TMEM42: variants seen among roughly 807,000 people sequenced by gnomAD.
TMEM42 encodes the protein transmembrane protein 42.
A neutral mutation model predicts 14.0 loss-of-function variants in TMEM42; 8 were observed. The observed-to-expected ratio is 0.57, with a 90% CI of 0.34 to 1.03. The LOEUF is 1.03. Among genes scored for constraint, TMEM42 ranks in the 50% least tolerant of loss-of-function variants. The pLI is 0.03. For missense variants in TMEM42, 211 were observed against 219.8 expected, an observed-to-expected ratio of 0.96 and a Z score of 0.25; for synonymous variants, 115 against 94.3, an observed-to-expected ratio of 1.22 and a Z score of -1.27.
intron 1 of TMEM42, chr3:44,862,550 C>G (rs1026834923): frequency 1.3e-5 from 2 of 152,570 alleles, no homozygotes; most frequent in African/African-American, 4.8e-5. Context: ...TTGCCCATCC[C>G]TTTACTCCGT....
chr3:44,863,385 C>T (rs1474191875), intron 1 of TMEM42: 1 of 134,760 alleles, frequency 7.4e-6, no homozygotes, highest in Non-Finnish European at 1.5e-5. Flanking sequence ...GTGTAGGAGG[C>T]TTCTAAAGAT....
At chr3:44,863,298 G>GCAC (rs1553668717) in intron 1 of TMEM42, 1 of 38,726 alleles carries the variant, frequency 2.6e-5, no homozygotes, top group Non-Finnish European at 5.7e-5. Context: ...TTTAGATTCC[G>GCAC]CACCCCCCCC....
Position 44,864,270 on chromosome 3 carries a change from G to C in TMEM42, c.266G>C (p.Ser89Thr). The C allele has an allele frequency of 6.2e-7, 1 of 1,614,206 alleles. No homozygotes were observed. Among genetic ancestry groups the C allele is most frequent in the Non-Finnish European group, 8.5e-7 (1 of 1,180,040 alleles). The change falls in exon 2 of 3, where the codon AGC (serine) becomes ACC (threonine). Residue 89 changes from serine (S) to threonine (T), a missense_variant. By Grantham distance (58) the Ser-to-Thr change is moderately conservative (BLOSUM62 1). Coordinates refer to ENST00000302392, the MANE Select transcript of TMEM42 (RefSeq NM_144638.3). Reference sequence around the variant, plus strand: ...AATTCTCTGATGTGGACCTTCTTTAGCCGGGGCCTCAGTTTCTCCATGTCT... The same window carrying C: ...AATTCTCTGATGTGGACCTTCTTTACCCGGGGCCTCAGTTTCTCCATGTCT... ...STNSLMWTFFSRGLSFSMSSA... is the reference protein window; with the variant it reads ...STNSLMWTFFTRGLSFSMSSA...
chr3:44,864,736 G>T (rs558087710), intron 2 of TMEM42, among the ~76,000 whole-genome samples: 1 of 152,110 alleles, frequency 6.6e-6, no homozygotes, highest in African/African-American at 2.4e-5. Flanking sequence ...GGAGCTGAGC[G>T]TAGTCAATCT....
At position 44,862,094 on chromosome 3, in the gene TMEM42, C is replaced by T; in HGVS notation, c.170C>T (p.Ala57Val). 7.7e-7 allele frequency: 1 copy of T among 1,291,646 alleles called. No homozygotes were observed. The highest frequency in any genetic ancestry group is 9.8e-7 in the Non-Finnish European group (1 of 1,016,662). 80.0% of individuals were successfully genotyped at this position (1,291,646 alleles called of 1,614,324 possible). Residue 57 changes from alanine to valine, a missense_variant, in exon 1 of 3, where the codon GCC (alanine) becomes GTC (valine). Physicochemically the swap from Ala to Val is moderately conservative, Grantham distance 64. Coordinates refer to ENST00000302392, the MANE Select transcript of TMEM42 (RefSeq NM_144638.3). ...TTCGGGGCCCTGGCCGCCGCCTCCGCCAAGCTGGCCTTCGGCAGCGAGGTC... is the reference window on the plus strand; with the variant it reads ...TTCGGGGCCCTGGCCGCCGCCTCCGTCAAGCTGGCCTTCGGCAGCGAGGTC... ...GAFGALAAAS[A>V]KLAFGSEVSM...
chr3:44,864,412 C>T, intron 2 of TMEM42, 69 bp downstream of exon 2: 1 of 1,589,270 alleles, frequency 6.3e-7, no homozygotes, highest in Non-Finnish European at 8.6e-7. Flanking sequence ...TTTGGATAAC[C>T]CCTCCTTTCC....
rs1251199995 is a variant in TMEM42 at position 44,862,311 on chromosome 3, CAG to C, written c.192+200_192+201del. 1.5e-5 allele frequency: 3 copies of C among 195,286 alleles called. No individual in the cohort carries two copies. In the South Asian group the frequency reaches 5.3e-4, roughly 35 times the overall value. 12.1% of individuals were successfully genotyped at this position (195,286 alleles called of 1,614,324 possible). A position where few individuals can be genotyped will look rare whatever the true frequency, so the allele number is the denominator to read the frequency against. ...GCGGCGCTGCGGTCAGCTGGGGTGG[CAG>C]AGAGTGTTTCGCCTCTAATCACGCC... On this transcript the variant is annotated intron_variant, in intron 1 of 2. Coordinates refer to ENST00000302392, the MANE Select transcript of TMEM42 (RefSeq NM_144638.3).
chr3:44,863,169 C>G (rs1699277878), intron 1 of TMEM42: 1 of 151,904 alleles, frequency 6.6e-6, no homozygotes, highest in South Asian at 2.1e-4. Flanking sequence ...GACAGTTCTT[C>G]CAGTGTGGCC....
chr3:44,864,552 C>G (rs1699300089), intron 2 of TMEM42, among the ~76,000 whole-genome samples: 1 of 152,126 alleles, frequency 6.6e-6, no homozygotes, highest in African/African-American at 2.4e-5. Flanking sequence ...TGAGTGAAGC[C>G]TGACAGTAAA....
chr3:44,864,888 G>A (rs1699303606), intron 2 of TMEM42, 152 bp from the exon 3 acceptor site: 1 of 964,434 alleles, frequency 1.0e-6, no homozygotes, highest in African/African-American at 1.6e-5. Flanking sequence ...TGAATAGAGT[G>A]ACTTGATGAA....
intron 2 of TMEM42, among the ~76,000 whole-genome samples, 179 bp downstream of exon 2, chr3:44,864,522 A>G (rs1274048491): frequency 6.6e-6 from 1 of 152,062 alleles, no homozygotes; most frequent in African/African-American, 2.4e-5. Flanking sequence ...CTAATCATGG[A>G]AGAATTCTTA....
At chr3:44,862,221 C>CGG (rs1484949619) in intron 1 of TMEM42, 105 bp downstream of exon 1, 1 of 9,496 alleles carries the variant, frequency 1.1e-4, no homozygotes, top group Non-Finnish European at 2.4e-4. Flanking sequence ...TGGGGTGGGG[C>CGG]GGGGGTGGGC....
intron 1 of TMEM42, 140 bp downstream of exon 1, chr3:44,862,256 G>A (rs1172783713): frequency 3.6e-6 from 2 of 562,362 alleles, no homozygotes; most frequent in Non-Finnish European, 4.5e-6. Context: ...CACCCTCGCC[G>A]GTCTGTCCCG....
chr3:44,865,079 G>A lies in TMEM42; in HGVS notation c.379G>A (p.Val127Ile). Residue 127 changes from valine to isoleucine, a missense_variant, in exon 3 of 3, where the codon GTC (valine) becomes ATC (isoleucine). Transcript: ENST00000302392. ...GYVLYGECQE[V>I]LWWGGVFLIL... ...TGTGCTGTATGGAGAGTGCCAGGAGGTCTTGTGGTGGGGAGGAGTGTTCCT... is the reference window on the plus strand; with the variant it reads ...TGTGCTGTATGGAGAGTGCCAGGAGATCTTGTGGTGGGGAGGAGTGTTCCT... 6.2e-7 allele frequency: 1 copy of A among 1,614,138 alleles called. No individual in the cohort carries two copies. Among genetic ancestry groups the A allele is most frequent in the Non-Finnish European group, 8.5e-7 (1 of 1,180,020 alleles).
chr3:44,864,997 A>G, intron 2 of TMEM42, 43 bp from the exon 3 acceptor site: 4 of 1,609,386 alleles, frequency 2.5e-6, no homozygotes, highest in Non-Finnish European at 3.4e-6. Context: ...GGTTGTGCCC[A>G]CCTGCTGAAG....
Position 44,865,098 on chromosome 3 carries a change from T to C in TMEM42, c.398T>C (p.Val133Ala). 6.2e-7 allele frequency: 1 copy of C among 1,612,908 alleles called. No homozygotes were observed. The highest frequency in any genetic ancestry group is 8.5e-7 in the Non-Finnish European group (1 of 1,179,686). ...CAGGAGGTCTTGTGGTGGGGAGGAG[T>C]GTTCCTTATTCTCTGCGGACTCACC... Reference protein sequence around the residue: ...ECQEVLWWGGVFLILCGLTLI... With the variant: ...ECQEVLWWGGAFLILCGLTLI... The change falls in exon 3 of 3, where the codon GTG becomes GCG. Residue 133 changes from valine (V) to alanine (A), a missense_variant. By Grantham distance (64) the Val-to-Ala change is moderately conservative. Transcript: ENST00000302392.
At position 44,861,973 on chromosome 3, in the gene TMEM42, T is replaced by A; in HGVS notation, c.49T>A (p.Tyr17Asn). The A allele has an allele frequency of 7.2e-7, 1 of 1,392,054 alleles. No homozygotes were observed. Among genetic ancestry groups the A allele is most frequent in the South Asian group, 1.6e-5 (1 of 62,624 alleles). The allele number at this position is 1,392,054 out of a possible 1,614,324, so 86.2% of individuals were successfully genotyped here. A position where few individuals can be genotyped will look rare whatever the true frequency, so the allele number is the denominator to read the frequency against. ...PPGGAVSATA[Y>N]PDTPAEFPPH... ...GGGCGGCGCCGTGTCCGCGACCGCG[T>A]ACCCTGACACCCCCGCGGAATTCCC... The change falls in exon 1 of 3, where the codon TAC becomes AAC. Residue 17 changes from tyrosine (Y) to asparagine (N), a missense_variant. Coordinates refer to ENST00000302392, the MANE Select transcript of TMEM42 (RefSeq NM_144638.3).
chr3:44,865,298 G>A lies in TMEM42; in HGVS notation c.*118G>A, dbSNP rs1180635931. On this transcript the variant is annotated 3_prime_UTR_variant, in exon 3 of 3. Coordinates refer to ENST00000302392, the MANE Select transcript of TMEM42 (RefSeq NM_144638.3). Reference sequence around the variant, plus strand: ...GTGCAGCCTTCTGACCATCAGCCAAGGGAAGCAGGCCTCTGATGGAGCAGG... The same window carrying A: ...GTGCAGCCTTCTGACCATCAGCCAAAGGAAGCAGGCCTCTGATGGAGCAGG... 7.2e-6 allele frequency: 10 copies of A among 1,387,736 alleles called. No individual in the cohort carries two copies. The highest frequency in any genetic ancestry group is 1.4e-5 in the African/African-American group (1 of 70,050). 86.0% of individuals were successfully genotyped at this position (1,387,736 alleles called of 1,614,324 possible).
In TMEM42 at chr3:44,862,064, G is replaced by GCGCGTTCGGGGCCCTGGCCGC. The variant is rs1575701565; in HGVS notation, c.144_164dup (p.Phe49_Ala55dup). 5 of 1,322,822 alleles carry GCGCGTTCGGGGCCCTGGCCGC rather than the reference G, an allele frequency of 3.8e-6. No homozygotes were observed. Among genetic ancestry groups the GCGCGTTCGGGGCCCTGGCCGC allele is most frequent in the South Asian group, 4.8e-5 (2 of 41,826 alleles). 81.9% of individuals were successfully genotyped at this position (1,322,822 alleles called of 1,614,324 possible). A position where few individuals can be genotyped will look rare whatever the true frequency, so the allele number is the denominator to read the frequency against. On this transcript the variant is annotated inframe_insertion, in exon 1 of 3. Transcript: ENST00000302392. ...GGCGTATTCAACTGTCTGTGCGCCG[G>GCGCGTTCGGGGCCCTGGCCGC]CGCGTTCGGGGCCCTGGCCGCCGCC... is the stretch of plus-strand genomic sequence containing the variant.
Sources: gnomAD v4.1 joint callset for allele counts (sites outside exome capture counted in the v4.1 genomes callset) on GRCh38, gnomAD v4.1.1 for gene constraint, MANE v1.5 for transcripts, NCBI Gene and HGNC (gene_info 2026-07-23, HGNC 2026-07-21) for gene names.